The following CABIN1 variants were observed in gnomAD, a reference collection of about 807,000 sequenced individuals.
CABIN1 encodes the protein calcineurin-binding protein cabin-1.
A neutral mutation model predicts 227.7 loss-of-function variants in CABIN1; 133 were observed. That is an observed-to-expected ratio of 0.58 (90% CI 0.51 to 0.67). The LOEUF is 0.67. Among genes scored for constraint, CABIN1 ranks in the 30% least tolerant of loss-of-function variants. The pLI is 0.00. For synonymous variants in CABIN1, 1,086 were observed against 1,155.1 expected (o/e 0.94, Z 1.21); for missense variants, 2,408 against 2,852.5 (o/e 0.84, Z 3.55).
At chr22:24,152,010 C>A (rs1159246278) in intron 29 of CABIN1, among the ~76,000 whole-genome samples, 1 of 152,218 alleles carries the variant, frequency 6.6e-6, no homozygotes, top group East Asian at 1.9e-4. Flanking sequence ...ACTGTGGGGA[C>A]AGCCATCTTG....
At position 24,177,010 on chromosome 22, in the gene CABIN1, CT is replaced by C. The variant is rs1451874941; in HGVS notation, c.6206-492del. Among the ~76,000 whole-genome samples, 1 of 152,262 alleles carries C rather than the reference CT, an allele frequency of 6.6e-6. No individual in the cohort carries two copies. Among genetic ancestry groups the C allele is most frequent in the Admixed American group, 6.5e-5 (1 of 15,294 alleles). On this transcript the variant is annotated intron_variant, in intron 35 of 36. Coordinates refer to ENST00000263119, the MANE Select transcript of CABIN1 (RefSeq NM_012295.4). This position sits in a 1 kb window ranked among gnomAD's most constrained non-coding sequence, Gnocchi z 4.4. ...CTGCCAGGCCTGCAACTGGCCCAGC[CT>C]TCAGGCTCTGGGCAAACTCAGCCCC...
chr22:24,071,432 CACAG>C (rs2146727966), intron 17 of CABIN1, among the ~76,000 whole-genome samples: 1 of 152,278 alleles, frequency 6.6e-6, no homozygotes, highest in East Asian at 1.9e-4. Context: ...GAGGGGTAGT[CACAG>C]CACCCTGCAT....
intron 15 of CABIN1, among the ~76,000 whole-genome samples, chr22:24,064,931 C>A (rs1420065511): frequency 6.6e-6 from 1 of 152,010 alleles, no homozygotes; most frequent in African/African-American, 2.4e-5. Flanking sequence ...TACACAGACA[C>A]AGCAACCATC....
intron 18 of CABIN1, among the ~76,000 whole-genome samples, chr22:24,075,256 G>A (rs1366243317): frequency 3.3e-5 from 5 of 152,030 alleles, no homozygotes; most frequent in South Asian, 2.1e-4. Flanking sequence ...TATTACTAGT[G>A]GCTTCTGACA....
At position 24,167,196 on chromosome 22, in the gene CABIN1, A is replaced by G. The variant is rs1164553984; in HGVS notation, c.5565A>G (p.Ser1855=). 1.9e-6 allele frequency: 3 copies of G among 1,612,062 alleles called. No individual in the cohort carries two copies. Among genetic ancestry groups the G allele is most frequent in the African/African-American group, 2.7e-5 (2 of 74,954 alleles). ...RKRKLLEDTE[S]GKTLLLDAYR... ...GGAAGCTCCTGGAGGACACAGAGTC[A>G]GGCAAGACACTTCTGTTGGATGCCT... The change falls in exon 32 of 37, where the codon TCA becomes TCG. Residue 1855 remains serine (S), a synonymous_variant. Coordinates refer to ENST00000263119, the MANE Select transcript of CABIN1 (RefSeq NM_012295.4).
intron 1 of CABIN1, 65 bp from the exon 2 acceptor site, chr22:24,035,379 C>A: frequency 9.1e-7 from 1 of 1,104,630 alleles, no homozygotes. Context: ...CCTGGTGGAC[C>A]TTGGCACTGT....
intron 27 of CABIN1, among the ~76,000 whole-genome samples, chr22:24,117,735 A>C (rs906009726): frequency 2.6e-5 from 4 of 152,118 alleles, no homozygotes; most frequent in Non-Finnish European, 5.9e-5. Context: ...CTTTCCATAA[A>C]AATTGTGCTC....
chr22:24,015,639 C>T (rs566170589), intron 1 of CABIN1, among the ~76,000 whole-genome samples: 15 of 151,816 alleles, frequency 9.9e-5, no homozygotes, highest in Non-Finnish European at 1.9e-4. Context: ...CCACTGCGCC[C>T]GGCCCCTCAT....
rs200867664 is a variant in CABIN1 at position 24,091,784 on chromosome 22, C to T, written c.3727C>T (p.Arg1243Cys). Reference sequence around the variant, plus strand: ...CCACTACCTGCACGAGGAGGCTGCCCGCTACCCCAAGAAGATCCACTACCA... The same window carrying T: ...CCACTACCTGCACGAGGAGGCTGCCTGCTACCCCAAGAAGATCCACTACCA... Reference protein sequence around the residue: ...AGHYLHEEAARYPKKIHYHNP... With the variant: ...AGHYLHEEAACYPKKIHYHNP... Residue 1243 changes from arginine (R) to cysteine (C), a missense_variant, in exon 24 of 37, where the codon CGC (arginine) becomes TGC (cysteine). Arg to Cys is a radical substitution (Grantham distance 180). This residue lies in a region of CABIN1 where 649 missense variants were observed against 910.3 expected (regional missense o/e 0.71). Transcript: ENST00000263119. The T allele has an allele frequency of 1.2e-5, 19 of 1,613,906 alleles. No homozygotes were observed. The highest frequency in any genetic ancestry group is 1.6e-4 in the Middle Eastern group (1 of 6,062).
intron 18 of CABIN1, among the ~76,000 whole-genome samples, chr22:24,075,484 C>T (rs1387943725): frequency 1.3e-5 from 2 of 152,140 alleles, no homozygotes; most frequent in Non-Finnish European, 2.9e-5. Flanking sequence ...TAAGGCCAGG[C>T]GCCATGGCTC....
Position 24,084,420 on chromosome 22 carries a change from A to AT in CABIN1, c.2911-147dup, listed in dbSNP as rs373405272. On this transcript the variant is annotated intron_variant, in intron 20 of 36. Coordinates refer to ENST00000263119, the MANE Select transcript of CABIN1 (RefSeq NM_012295.4). ...TGCCCAGCTAATTTTTGTAGTGCAG[A>AT]TTTTTTTTTTTTAAGTATAATGGGG... 1.1e-3 allele frequency among the ~76,000 whole-genome samples: 160 copies of AT among 145,564 alleles called. 1 individual carries two copies. The East Asian group carries it at 0.012, about 11-fold the overall frequency.
intron 3 of CABIN1, among the ~76,000 whole-genome samples, chr22:24,037,196 G>A (rs1473890584): frequency 1.3e-5 from 2 of 149,830 alleles, no homozygotes; most frequent in Non-Finnish European, 3.0e-5. Context: ...GAAGGCAGAG[G>A]TTGCAGCGAG....
rs369495029 is a variant in CABIN1 at position 24,066,879 on chromosome 22, A to G, written c.2038-108A>G. 8.5e-6 allele frequency: 9 copies of G among 1,058,670 alleles called. No homozygotes were observed. The African/African-American group carries it at 1.1e-4, about 13-fold the overall frequency. 65.6% of individuals were successfully genotyped at this position (1,058,670 alleles called of 1,614,324 possible). The stretch of plus-strand genomic sequence containing the variant: ...TTTTTTTTGGGCTGGAACATAGTCT[A>G]ATTTTTATTCTCCTCATCCAAGTCT... On this transcript the variant is annotated intron_variant, in intron 15 of 36. Coordinates refer to ENST00000263119, the MANE Select transcript of CABIN1 (RefSeq NM_012295.4).
intron 29 of CABIN1, among the ~76,000 whole-genome samples, chr22:24,154,650 T>C (rs1156609714): frequency 6.6e-6 from 1 of 152,166 alleles, no homozygotes; most frequent in African/African-American, 2.4e-5. Context: ...GCAAGTCCAG[T>C]GCCTGGCAGG....
chr22:24,065,865 G>A (rs966217544), intron 15 of CABIN1, among the ~76,000 whole-genome samples: 3 of 152,258 alleles, frequency 2.0e-5, no homozygotes, highest in East Asian at 1.9e-4. Flanking sequence ...CCAGTCAGGC[G>A]TGGCGGCGCA....
At chr22:24,113,378 C>G (rs754782409) in intron 26 of CABIN1, among the ~76,000 whole-genome samples, 188 bp from the exon 27 acceptor site, 1 of 152,216 alleles carries the variant, frequency 6.6e-6, no homozygotes, top group African/African-American at 2.4e-5. Context: ...GAGATTGGTG[C>G]ATTTGGTGAG....
chr22:24,041,811 A>G (rs745828531), intron 5 of CABIN1, among the ~76,000 whole-genome samples: 7 of 152,236 alleles, frequency 4.6e-5, no homozygotes, highest in Non-Finnish European at 1.0e-4. Flanking sequence ...GCCATCTTGC[A>G]AGGAAGGAGT....
chr22:24,153,132 G>C (rs1213492720), intron 29 of CABIN1, among the ~76,000 whole-genome samples: 4 of 152,260 alleles, frequency 2.6e-5, no homozygotes, highest in Middle Eastern at 6.8e-3. Flanking sequence ...CCACTGGGGT[G>C]GGGGGTGTGA....
intron 1 of CABIN1, among the ~76,000 whole-genome samples, chr22:24,023,175 T>C (rs2035846455): frequency 6.6e-6 from 1 of 152,246 alleles, no homozygotes; most frequent in Admixed American, 6.5e-5. Flanking sequence ...CCTATTTTAC[T>C]TAACATAGTG....
Sources: gnomAD v4.1 joint callset for allele counts (sites outside exome capture counted in the v4.1 genomes callset) on GRCh38, gnomAD v4.1.1 for gene constraint, gnomAD v4.1.1 regional missense constraint, Gnocchi (gnomAD v3.1) non-coding constraint, MANE v1.5 for transcripts, NCBI Gene and HGNC (gene_info 2026-07-23, HGNC 2026-07-21) for gene names.